Variants in RERE observed in about 807,000 individuals in gnomAD.
The protein encoded by RERE is arginine-glutamic acid dipeptide repeats protein.
RERE carries 40 observed loss-of-function variants against 146.1 expected under a neutral mutation model. That is an observed-to-expected ratio of 0.27 (90% CI 0.21 to 0.36). The LOEUF is 0.36. Among genes scored for constraint, RERE ranks in the 10% least tolerant of loss-of-function variants. The pLI is 1.00. For synonymous variants in RERE, 1,003 were observed against 866.0 expected, an observed-to-expected ratio of 1.16 and a Z score of -2.78; for missense variants, 1,933 against 2,138.7, an observed-to-expected ratio of 0.90 and a Z score of 1.90.
chr1:8,596,672 C>CT (rs3082096), intron 4 of RERE, among the ~76,000 whole-genome samples: 27,406 of 137,716 alleles, frequency 0.2, 3,032 homozygotes, highest in Middle Eastern at 0.26. Context: ...CCATGTCTGG[C>CT]TTTTTTTTTT....
intron 4 of RERE, among the ~76,000 whole-genome samples, chr1:8,584,084 C>A (rs1646399105): frequency 6.6e-6 from 1 of 151,810 alleles, no homozygotes; most frequent in African/African-American, 2.4e-5. Context: ...CAAGAAAATT[C>A]AGAAATGAAG....
chr1:8,372,543 T>TGTGTGTGTGTGTGTGTGTGTG (rs6143112), intron 12 of RERE, among the ~76,000 whole-genome samples: 59 of 150,694 alleles, frequency 3.9e-4, no homozygotes, highest in East Asian at 2.0e-3. Context: ...TGTGTGTGTG[T>TGTGTGTGTGTGTGTGTGTGTG]TTTAAATTAA....
chr1:8,530,085 T>C (rs1024838440), intron 7 of RERE, among the ~76,000 whole-genome samples: 11 of 152,186 alleles, frequency 7.2e-5, no homozygotes, highest in Non-Finnish European at 1.2e-4. Flanking sequence ...GTACATACAA[T>C]CTGCAACCTG....
intron 1 of RERE, among the ~76,000 whole-genome samples, chr1:8,790,650 C>A (rs11121232): frequency 0.52 from 79,087 of 152,174 alleles, 21,463 homozygotes; most frequent in East Asian, 0.83. Context: ...GTAGCACGAT[C>A]TCAGATCACT....
rs1557685627 is a variant in RERE, at chr1:8,557,380, TAAGA to T, written c.628+34_628+37del. The T allele has an allele frequency of 3.0e-6, 4 of 1,350,328 alleles. No individual in the cohort carries two copies. The South Asian group carries it at 4.7e-5, about 16-fold the overall frequency. 83.6% of individuals were successfully genotyped at this position (1,350,328 alleles called of 1,614,324 possible). On this transcript the variant is annotated intron_variant, in intron 5 of 22. Transcript: ENST00000400908. ...CTTTAGAAAGAACTTTGCCCAAAGC[TAAGA>T]AACACACAAATCAAACCACAAGGAC...
intron 20 of RERE, among the ~76,000 whole-genome samples, chr1:8,357,837 T>C (rs1249916012): frequency 6.6e-6 from 1 of 152,234 alleles, no homozygotes; most frequent in East Asian, 1.9e-4. Context: ...AGTAGCCCAG[T>C]GCCTTATCTG....
chr1:8,720,269 C>CA (rs34328284), intron 1 of RERE, among the ~76,000 whole-genome samples: 29,740 of 126,018 alleles, frequency 0.24, 3,190 homozygotes, highest in Middle Eastern at 0.31. Context: ...GACTCCATCT[C>CA]AAAAAAAAAA....
At chr1:8,526,119 G>T in intron 7 of RERE, 1 of 1,036,646 alleles carries the variant, frequency 9.6e-7, no homozygotes, top group Non-Finnish European at 1.2e-6. Context: ...AGTGTGCAGG[G>T]AAGTGGGGCC....
At chr1:8,668,322 G>C (rs1204403199) in intron 1 of RERE, among the ~76,000 whole-genome samples, 1 of 152,134 alleles carries the variant, frequency 6.6e-6, no homozygotes, top group South Asian at 2.1e-4. Context: ...TTGTTTACTG[G>C]CAAGTCCTGA....
At chr1:8,486,106 C>T (rs564081972) in intron 10 of RERE, among the ~76,000 whole-genome samples, 1 of 152,178 alleles carries the variant, frequency 6.6e-6, no homozygotes, top group Non-Finnish European at 1.5e-5. Context: ...CCTACAATCA[C>T]TATTGAAGAC....
intron 12 of RERE, among the ~76,000 whole-genome samples, chr1:8,402,315 A>G (rs112542257): frequency 2.0e-5 from 3 of 152,300 alleles, no homozygotes; most frequent in Admixed American, 6.5e-5. Context: ...AGTCACCATC[A>G]CAGCCAGGTG....
At chr1:8,486,473 A>G (rs1570319405) in intron 10 of RERE, among the ~76,000 whole-genome samples, 2 of 152,324 alleles carry the variant, frequency 1.3e-5, no homozygotes, top group Admixed American at 6.5e-5. Context: ...GAAATCACCA[A>G]AAAATTCAAA....
chr1:8,609,010 G>C (rs1368085925), intron 4 of RERE, among the ~76,000 whole-genome samples: 1 of 151,878 alleles, frequency 6.6e-6, no homozygotes, highest in Non-Finnish European at 1.5e-5. Flanking sequence ...CTGAGGTCAG[G>C]AGTTCAAGAT....
At chr1:8,800,817 T>A (rs1263908807) in intron 1 of RERE, among the ~76,000 whole-genome samples, 6 of 151,164 alleles carry the variant, frequency 4.0e-5, no homozygotes, top group African/African-American at 1.5e-4. Context: ...ATACAAAAAT[T>A]AGCTGGGTGT....
chr1:8,556,874 C>A (rs12756257), intron 5 of RERE, among the ~76,000 whole-genome samples: 93,385 of 151,976 alleles, frequency 0.61, 29,095 homozygotes, highest in East Asian at 0.84. Context: ...CTTATCCTAG[C>A]ACCTCCTTCA....
intron 1 of RERE, among the ~76,000 whole-genome samples, chr1:8,709,604 C>G (rs777571230): frequency 3.9e-5 from 6 of 152,010 alleles, no homozygotes; most frequent in Non-Finnish European, 8.8e-5. Context: ...AGATGAAATC[C>G]CACTATTTAT....
chr1:8,361,224 C>A lies in RERE; in HGVS notation c.2283G>T (p.Leu761=), dbSNP rs1030471134. The A allele has an allele frequency of 6.5e-7, 1 of 1,534,852 alleles. No homozygotes were observed. The highest frequency in any genetic ancestry group is 2.3e-5 in the East Asian group (1 of 44,154). The change falls in exon 18 of 23, where the codon CTG becomes CTT. Residue 761 remains leucine, a synonymous_variant. Coordinates refer to ENST00000400908, the MANE Select transcript of RERE (RefSeq NM_001042681.2). ...CAGAGGGCGTGGGCCCTGGCGTGGGCAGCTGAGGGGTCCCTGGAGGAGCTG... is the reference window on the plus strand; with the variant it reads ...CAGAGGGCGTGGGCCCTGGCGTGGGAAGCTGAGGGGTCCCTGGAGGAGCTG... ...PSSAPPGTPQ[L]PTPGPTPSAT... is the part of the protein sequence containing the mutation.
At chr1:8,588,111 T>C (rs553701493) in intron 4 of RERE, among the ~76,000 whole-genome samples, 1 of 152,292 alleles carries the variant, frequency 6.6e-6, no homozygotes, top group Admixed American at 6.5e-5. Context: ...TCTCCCTTCA[T>C]GGAGCTGGCC....
intron 1 of RERE, among the ~76,000 whole-genome samples, chr1:8,669,858 T>C (rs1011998818): frequency 6.6e-6 from 1 of 152,178 alleles, no homozygotes; most frequent in Admixed American, 6.5e-5. Context: ...TGAAAGGAAA[T>C]GACAGGGTGA....
Sources: allele counts gnomAD v4.1 joint callset (sites outside exome capture counted in the v4.1 genomes callset), GRCh38; gene constraint gnomAD v4.1.1; transcripts MANE v1.5; gene names NCBI Gene and HGNC (gene_info 2026-07-23, HGNC 2026-07-21).